KIF26B: variants seen among roughly 807,000 people sequenced by gnomAD.
The protein encoded by KIF26B is kinesin-like protein KIF26B.
In KIF26B, 63 loss-of-function variants were observed where a neutral mutation model predicts 151.2. The ratio of observed to expected loss-of-function variants is 0.42; its 90% CI spans 0.34 to 0.51. The LOEUF is 0.51. KIF26B is among the 20% of genes least tolerant of loss of function. KIF26B has a pLI of 0.07. For synonymous variants in KIF26B, 1,357 were observed against 1,262.1 expected (o/e 1.08, Z -1.59); for missense variants, 2,813 against 2,913.6 (o/e 0.97, Z 0.79).
At position 245,349,476 on chromosome 1, in the gene KIF26B, A is replaced by G. The variant is rs551851512; in HGVS notation, c.466-17358A>G. ...ATAATTTTAAAAGACAAACTTGAAT[A>G]ATCCTGTTTTACCACATCCCTAAAC... On this transcript the variant is annotated intron_variant, in intron 2 of 14. Transcript: ENST00000407071. Among the ~76,000 whole-genome samples the G allele has an allele frequency of 3.3e-5, 5 of 152,046 alleles. No homozygotes were observed. The East Asian group carries it at 9.7e-4, about 29-fold the overall frequency.
At position 245,244,237 on chromosome 1, in the gene KIF26B, G is replaced by A. The variant is rs1670271386; in HGVS notation, c.465+87554G>A. ...CTCCCAAAGTGCTGGGATTGTAGGAGTGAGCCACTGTACCTGGCCTCCTTT... is the reference window on the plus strand; with the variant it reads ...CTCCCAAAGTGCTGGGATTGTAGGAATGAGCCACTGTACCTGGCCTCCTTT... On this transcript the variant is annotated intron_variant, in intron 2 of 14. Coordinates refer to ENST00000407071, the MANE Select transcript of KIF26B (RefSeq NM_018012.4). The surrounding 1 kb of genome is among the most constrained non-coding windows in gnomAD (Gnocchi z 4.2). Among the ~76,000 whole-genome samples, 1 of 152,154 alleles carries A rather than the reference G, an allele frequency of 6.6e-6. No individual in the cohort carries two copies. The highest frequency in any genetic ancestry group is 2.4e-5 in the African/African-American group (1 of 41,438).
At chr1:245,499,247 G>A (rs1318622985) in intron 4 of KIF26B, among the ~76,000 whole-genome samples, 1 of 151,498 alleles carries the variant, frequency 6.6e-6, no homozygotes, top group Non-Finnish European at 1.5e-5. Flanking sequence ...TAATAGTGAT[G>A]TGTGTGTGTG....
At chr1:245,470,676 C>T (rs1001186304) in intron 4 of KIF26B, among the ~76,000 whole-genome samples, 26 of 152,006 alleles carry the variant, frequency 1.7e-4, no homozygotes, top group African/African-American at 3.9e-4. Flanking sequence ...GTGATCTGCC[C>T]GCCTCGGCCT....
intron 4 of KIF26B, among the ~76,000 whole-genome samples, chr1:245,469,488 G>A (rs924627974): frequency 1.3e-5 from 2 of 152,162 alleles, no homozygotes; most frequent in Non-Finnish European, 1.5e-5. Context: ...CATATAGTAT[G>A]TATTATTAAT....
chr1:245,468,918 T>C (rs1308818359), intron 4 of KIF26B, among the ~76,000 whole-genome samples: 2 of 152,226 alleles, frequency 1.3e-5, no homozygotes, highest in African/African-American at 4.8e-5. Flanking sequence ...GCTAAAGTAA[T>C]TATTTTTAAA....
At position 245,452,989 on chromosome 1, in the gene KIF26B, A is replaced by G. The variant is rs146288131; in HGVS notation, c.1166+33244A>G. ...TGCTTGTGCTTTTAGTGTCATATTT[A>G]ATAATCTGTTGTCAAATCCTAAGTT... is the stretch of plus-strand genomic sequence containing the variant. On this transcript the variant is annotated intron_variant, in intron 4 of 14. Transcript: ENST00000407071. 1.6e-3 allele frequency among the ~76,000 whole-genome samples: 242 copies of G among 152,272 alleles called. 1 individual carries two copies. The highest frequency in any genetic ancestry group is 2.0e-3 in the Non-Finnish European group (139 of 68,010).
chr1:245,172,974 C>T (rs1361064468), intron 2 of KIF26B, among the ~76,000 whole-genome samples: 1 of 152,112 alleles, frequency 6.6e-6, no homozygotes. Flanking sequence ...GCCTTATTCA[C>T]AATAGCTAAA....
intron 2 of KIF26B, among the ~76,000 whole-genome samples, chr1:245,310,271 C>T (rs974195004): frequency 4.6e-5 from 7 of 151,942 alleles, no homozygotes; most frequent in Non-Finnish European, 8.8e-5. Context: ...GTCTTAGGTA[C>T]TAGTTGTACA....
intron 2 of KIF26B, among the ~76,000 whole-genome samples, chr1:245,308,618 G>A (rs1671604194): frequency 6.6e-6 from 1 of 152,192 alleles, no homozygotes; most frequent in Admixed American, 6.5e-5. Context: ...TGTAGTCCCA[G>A]CTACATGGGA....
chr1:245,619,382 GT>G (rs2043633569), intron 9 of KIF26B, among the ~76,000 whole-genome samples: 1 of 152,248 alleles, frequency 6.6e-6, no homozygotes, highest in South Asian at 2.1e-4. Flanking sequence ...CTGACCTCAG[GT>G]GATCCACCCA....
intron 2 of KIF26B, among the ~76,000 whole-genome samples, chr1:245,261,760 T>G (rs185114505): frequency 1.6e-4 from 24 of 152,138 alleles, no homozygotes; most frequent in African/African-American, 5.5e-4. Context: ...GTTTTTGTAT[T>G]TTTTGTAGCG....
chr1:245,640,057 G>A (rs1323642065), intron 9 of KIF26B, among the ~76,000 whole-genome samples: 6 of 149,316 alleles, frequency 4.0e-5, no homozygotes, highest in African/African-American at 1.5e-4. Context: ...CAAAAGTGAG[G>A]TGTTGAAGTC....
intron 2 of KIF26B, among the ~76,000 whole-genome samples, chr1:245,287,638 G>T (rs1057357498): frequency 4.0e-5 from 6 of 151,864 alleles, no homozygotes; most frequent in South Asian, 4.2e-4. Context: ...CAATTAGCTG[G>T]GATTACAGGC....
chr1:245,165,861 A>C (rs999823858), intron 2 of KIF26B, among the ~76,000 whole-genome samples: 1 of 152,112 alleles, frequency 6.6e-6, no homozygotes, highest in African/African-American at 2.4e-5. Context: ...TCTTTGTTGG[A>C]AGAATTTCTG....
intron 2 of KIF26B, among the ~76,000 whole-genome samples, chr1:245,236,406 T>G (rs771130709): frequency 7.9e-5 from 12 of 152,166 alleles, no homozygotes; most frequent in Non-Finnish European, 1.3e-4. Flanking sequence ...CATCATAGAT[T>G]TATTGTGAAA....
chr1:245,273,576 A>G (rs1346322223), intron 2 of KIF26B, among the ~76,000 whole-genome samples: 2 of 152,068 alleles, frequency 1.3e-5, no homozygotes, highest in Non-Finnish European at 1.5e-5. Flanking sequence ...TAATTGTTGT[A>G]TCTTCCTGGT....
chr1:245,566,386 A>AT (rs2043010705), intron 5 of KIF26B, among the ~76,000 whole-genome samples: 1 of 152,210 alleles, frequency 6.6e-6, no homozygotes, highest in Admixed American at 6.5e-5. Flanking sequence ...CTCCTCACGG[A>AT]TTTTGCATTC....
chr1:245,499,220 T>C (rs1660570670), intron 4 of KIF26B, among the ~76,000 whole-genome samples: 1 of 151,992 alleles, frequency 6.6e-6, no homozygotes, highest in Non-Finnish European at 1.5e-5. Context: ...ATTAAAAATG[T>C]TAAGAGAACA....
chr1:245,431,623 C>T (rs1040700021), intron 4 of KIF26B, among the ~76,000 whole-genome samples: 3 of 152,052 alleles, frequency 2.0e-5, no homozygotes, highest in Non-Finnish European at 4.4e-5. Context: ...GGATTACAGG[C>T]GTGAACCACT....
Sources: gnomAD v4.1 joint callset for allele counts (sites outside exome capture counted in the v4.1 genomes callset) on GRCh38, gnomAD v4.1.1 for gene constraint, Gnocchi (gnomAD v3.1) non-coding constraint, MANE v1.5 for transcripts, NCBI Gene and HGNC (gene_info 2026-07-23, HGNC 2026-07-21) for gene names.